The following CASP10 variants were observed in gnomAD, a reference collection of about 807,000 sequenced individuals.
CASP10 encodes caspase 10.
CASP10 carries 41 observed loss-of-function variants against 48.5 expected under a neutral mutation model. The ratio of observed to expected loss-of-function variants is 0.85; its 90% confidence interval spans 0.66 to 1.10. CASP10 has a LOEUF of 1.10. Ranked by LOEUF, CASP10 falls within the 50% of genes least tolerant of loss-of-function variation. The pLI, the probability that CASP10 is intolerant of heterozygous loss-of-function variation, is 0.00. For missense variants in CASP10, 614 were observed against 614.5 expected (o/e 1.00, Z 0.01); for synonymous variants, 232 against 238.4 (o/e 0.97, Z 0.25).
chr2:201,189,427 CCTGT>C (rs1944530404), intron 3 of CASP10, among the ~76,000 whole-genome samples: 1 of 151,844 alleles, frequency 6.6e-6, no homozygotes, highest in East Asian at 1.9e-4. Context: ...CACCACCATG[CCTGT>C]CTAATTTTTG....
chr2:201,193,136 T>G lies in CASP10; in HGVS notation c.577+17T>G, dbSNP rs371164247. 3.7e-6 allele frequency: 6 copies of G among 1,612,108 alleles called. No individual in the cohort carries two copies. In the South Asian group the frequency reaches 4.4e-5, roughly 12 times the overall value. Reference sequence around the variant, plus strand: ...GAGAGAAAGGTAAGTAGCTTGTGATTGCTAACTTGGACCAGACCATGGAAA... The same window carrying G: ...GAGAGAAAGGTAAGTAGCTTGTGATGGCTAACTTGGACCAGACCATGGAAA... On this transcript the variant is annotated intron_variant, in intron 4 of 9. Coordinates refer to ENST00000286186, the MANE Select transcript of CASP10 (RefSeq NM_032977.4).
chr2:201,186,926 G>A (rs944750742), intron 2 of CASP10, among the ~76,000 whole-genome samples: 5 of 152,152 alleles, frequency 3.3e-5, no homozygotes, highest in African/African-American at 1.2e-4. Flanking sequence ...AGCCTCAAGT[G>A]ATCCACGCAC....
chr2:201,204,458 T>C (rs1459061011), intron 6 of CASP10, among the ~76,000 whole-genome samples: 1 of 152,178 alleles, frequency 6.6e-6, no homozygotes, highest in Non-Finnish European at 1.5e-5. Context: ...TTGGTGACAT[T>C]GACCAGGTCA....
At position 201,195,965 on chromosome 2, in the gene CASP10, G is replaced by A; in HGVS notation, c.684+17G>A. 6.5e-7 allele frequency: 1 copy of A among 1,537,844 alleles called. No individual in the cohort carries two copies. The highest frequency in any genetic ancestry group is 1.1e-5 in the South Asian group (1 of 89,548). ...GCCTTACCGGTAGGTTCAGTGGTGT[G>A]CTGGTCAATGCTTAACAACCGGCTC... On this transcript the variant is annotated intron_variant, in intron 5 of 9. Transcript: ENST00000286186.
At chr2:201,227,879 A>G (rs1945809227) in intron 9 of CASP10, among the ~76,000 whole-genome samples, 1 of 152,088 alleles carries the variant, frequency 6.6e-6, no homozygotes, top group African/African-American at 2.4e-5. Flanking sequence ...TTTCTAACAA[A>G]TAAGTGTTAA....
chr2:201,217,652 C>G lies in CASP10; in HGVS notation c.1480C>G (p.Gln494Glu). 6.2e-7 allele frequency: 1 copy of G among 1,614,160 alleles called. No homozygotes were observed. Among genetic ancestry groups the G allele is most frequent in the South Asian group, 1.1e-5 (1 of 91,086 alleles). ...TGATGTGAGTCGAAGAGTGGACAAA[C>G]AGGGAACAAAGAAACAGATGCCCCA... is the stretch of plus-strand genomic sequence containing the variant. ...NDDVSRRVDK[Q>E]GTKKQMPQPA... Residue 494 changes from glutamine to glutamate, a missense_variant, in exon 10 of 10, where the codon CAG (glutamine) becomes GAG (glutamate). Physicochemically the swap from Gln to Glu is conservative, Grantham distance 29. Transcript: ENST00000286186.
Position 201,209,063 on chromosome 2 carries a change from T to TTA in CASP10, c.923-7_923-6insTA. 4 of 1,605,432 alleles carry TTA rather than the reference T, an allele frequency of 2.5e-6. No homozygotes were observed. The highest frequency in any genetic ancestry group is 2.2e-5 in the South Asian group (2 of 90,288). On this transcript the variant is annotated splice_region_variant and splice_polypyrimidine_tract_variant and intron_variant, in intron 8 of 9. Transcript: ENST00000286186. ...TCTCTTTTTTTTTTTTTTTTGTTTT[T>TTA]AAACAGAGATCCTGAGTCATGTGTT...
chr2:201,223,439 C>T (rs115558960), downstream of CASP10, among the ~76,000 whole-genome samples: 1,409 of 152,294 alleles, frequency 9.3e-3, 8 homozygotes, highest in Non-Finnish European at 0.014. Flanking sequence ...ACTGAAGCCT[C>T]GAAGCCATTT....
chr2:201,192,509 A>G (rs1273746160), intron 3 of CASP10, among the ~76,000 whole-genome samples: 6 of 151,866 alleles, frequency 4.0e-5, no homozygotes, highest in Non-Finnish European at 8.8e-5. Context: ...TTTTCCCCTC[A>G]TTTCTTTGGT....
intron 4 of CASP10, 170 bp downstream of exon 4, chr2:201,193,289 C>T (rs1050525585): frequency 1.1e-5 from 6 of 565,604 alleles, no homozygotes; most frequent in African/African-American, 9.5e-5. Flanking sequence ...CTCACTGAAA[C>T]CTCCGCCTCC....
intron 5 of CASP10, among the ~76,000 whole-genome samples, chr2:201,200,946 A>G (rs1412997763): frequency 1.3e-5 from 2 of 152,178 alleles, no homozygotes; most frequent in African/African-American, 4.8e-5. Context: ...CTATAATCCA[A>G]TTAAAGCAAC....
rs746617535 is a variant in CASP10 at position 201,187,788 on chromosome 2, A to C, written c.430A>C (p.Lys144Gln). Reference protein sequence around the residue: ...MIFLLKDSLPKTEMTSLSFLA... With the variant: ...MIFLLKDSLPQTEMTSLSFLA... ...CTTCCTTCTGAAAGACTCGCTTCCC[A>C]AAACTGAAATGGTGAGTGGGTCATA... The change falls in exon 3 of 10, where the codon AAA becomes CAA. Residue 144 changes from lysine to glutamine, a missense_variant. Transcript: ENST00000286186. The C allele has an allele frequency of 1.9e-6, 3 of 1,613,444 alleles. No individual in the cohort carries two copies. The highest frequency in any genetic ancestry group is 2.5e-6 in the Non-Finnish European group (3 of 1,179,360).
chr2:201,206,246 T>C (rs1945200615), intron 7 of CASP10: 2 of 290,572 alleles, frequency 6.9e-6, no homozygotes, highest in Non-Finnish European at 1.3e-5. Context: ...TTGGGTTATT[T>C]CTGGAGAGGG....
At chr2:201,187,675 C>CTA (rs745473444) in intron 2 of CASP10, 31 bp from the exon 3 acceptor site, 5 of 1,510,756 alleles carry the variant, frequency 3.3e-6, no homozygotes, top group Non-Finnish European at 4.6e-6. Flanking sequence ...AAGTGTAAGG[C>CTA]TTTATTTGTC....
chr2:201,200,998 A>G (rs963039307), intron 5 of CASP10, among the ~76,000 whole-genome samples: 1 of 152,108 alleles, frequency 6.6e-6, no homozygotes, highest in Non-Finnish European at 1.5e-5. Flanking sequence ...AGCTTTGTTT[A>G]GAGAGTTGCA....
chr2:201,197,694 A>G (rs948664555), intron 5 of CASP10, among the ~76,000 whole-genome samples: 1 of 152,216 alleles, frequency 6.6e-6, no homozygotes, highest in Non-Finnish European at 1.5e-5. Context: ...CGGAGTTACC[A>G]AGAACCTACT....
Position 201,195,884 on chromosome 2 carries a change from C to A in CASP10, c.620C>A (p.Ser207Ter). The change falls in exon 5 of 10, where the codon TCG becomes TAG. Residue 207 changes from serine to a stop codon, truncating the protein, a stop_gained. Transcript: ENST00000286186. LOFTEE classifies it high-confidence loss of function. ...CCTCCTGTAGACAAGGAAGCCGAGT[C>A]GTATCAAGGAGAGGAAGAACTAGTT... Reference protein sequence around the residue: ...VTPPVDKEAESYQGEEELVSQ... With the variant: ...VTPPVDKEAE The A allele has an allele frequency of 6.2e-7, 1 of 1,613,866 alleles. No homozygotes were observed. The highest frequency in any genetic ancestry group is 1.1e-5 in the South Asian group (1 of 91,048).
Position 201,208,162 on chromosome 2 carries a change from C to G in CASP10, c.901C>G (p.Gln301Glu). 11 of 1,613,716 alleles carry G rather than the reference C, an allele frequency of 6.8e-6. No homozygotes were observed. Among genetic ancestry groups the G allele is most frequent in the Non-Finnish European group, 8.5e-6 (10 of 1,179,792 alleles). ...CAGCTTTACCTCCCTGAAGGACAGACAAGGAACCCATAAAGATGCTGGTAA... is the reference window on the plus strand; with the variant it reads ...CAGCTTTACCTCCCTGAAGGACAGAGAAGGAACCCATAAAGATGCTGGTAA... Reference protein sequence around the residue: ...NHSFTSLKDRQGTHKDAEILS... With the variant: ...NHSFTSLKDREGTHKDAEILS... The change falls in exon 8 of 10, where the codon CAA becomes GAA. Residue 301 changes from glutamine to glutamate, a missense_variant. By Grantham distance (29) the Gln-to-Glu change is conservative (BLOSUM62 2). Transcript: ENST00000286186.
At chr2:201,203,293 C>A (rs1945084530) in intron 5 of CASP10, among the ~76,000 whole-genome samples, 1 of 149,638 alleles carries the variant, frequency 6.7e-6, no homozygotes, top group African/African-American at 2.5e-5. Flanking sequence ...TTCCCATTTC[C>A]TGCCAATGAA....
Sources: gnomAD v4.1 joint callset for allele counts (sites outside exome capture counted in the v4.1 genomes callset) on GRCh38, gnomAD v4.1.1 for gene constraint, MANE v1.5 for transcripts, NCBI Gene and HGNC (gene_info 2026-07-23, HGNC 2026-07-21) for gene names.